Variants in HERC1 observed in about 807,000 individuals in gnomAD.
HERC1 encodes probable E3 ubiquitin-protein ligase HERC1.
HERC1 carries 160 observed loss-of-function variants against 554.3 expected under a neutral mutation model. The observed-to-expected ratio is 0.29, with a 90% CI of 0.25 to 0.33. The LOEUF is 0.33. Among genes scored for constraint, HERC1 ranks in the 10% least tolerant of loss-of-function variants. The probability of loss-of-function intolerance (pLI) is 1.00; values close to 1 mark genes in which losing one functional copy is unlikely to be tolerated. For synonymous variants in HERC1, 2,175 were observed against 2,131.7 expected, an observed-to-expected ratio of 1.02 and a Z score of -0.56; for missense variants, 4,919 against 5,918.5, an observed-to-expected ratio of 0.83 and a Z score of 5.54.
chr15:63,774,675 T>C lies in HERC1; in HGVS notation c.930+19A>G. The C allele has an allele frequency of 6.5e-7, 1 of 1,535,754 alleles. No homozygotes were observed. Among genetic ancestry groups the C allele is most frequent in the Admixed American group, 2.2e-5 (1 of 46,252 alleles). ...CAAAAACTATTATGAACTTTAAAGTTGAGACTTATAGTACGTACCAAAGAA... is the reference window on the plus strand; with the variant it reads ...CAAAAACTATTATGAACTTTAAAGTCGAGACTTATAGTACGTACCAAAGAA... On this transcript the variant is annotated intron_variant, in intron 2 of 77. Transcript: ENST00000443617.
At position 63,613,163 on chromosome 15, in the gene HERC1, C is replaced by A. The variant is rs1043465344; in HGVS notation, c.14095-607G>T. 2.0e-5 allele frequency among the ~76,000 whole-genome samples: 3 copies of A among 152,114 alleles called. No homozygotes were observed. The East Asian group carries it at 5.8e-4, about 29-fold the overall frequency. ...ACTTGGGTTCTAACTCCCAGCTCTG[C>A]CAATTATTAACTCTCTTAATTTTTC... On this transcript the variant is annotated intron_variant, in intron 76 of 77. Coordinates refer to ENST00000443617, the MANE Select transcript of HERC1 (RefSeq NM_003922.4).
intron 40 of HERC1, 56 bp from the exon 41 acceptor site, chr15:63,666,528 A>G: frequency 8.8e-7 from 1 of 1,141,282 alleles, no homozygotes; most frequent in Non-Finnish European, 1.3e-6. Context: ...CCGTGAGTAA[A>G]AAGTGTCTTC....
intron 24 of HERC1, among the ~76,000 whole-genome samples, chr15:63,710,451 T>C (rs906329695): frequency 1.3e-5 from 2 of 152,222 alleles, no homozygotes; most frequent in African/African-American, 2.4e-5. Flanking sequence ...TAGACAGTTA[T>C]TTATAAATTT....
chr15:63,619,419 T>C (rs1452708793), intron 74 of HERC1, among the ~76,000 whole-genome samples: 1 of 152,204 alleles, frequency 6.6e-6, no homozygotes, highest in Non-Finnish European at 1.5e-5. Flanking sequence ...TGAGGATTTT[T>C]GCATCAATGT....
At position 63,775,240 on chromosome 15, in the gene HERC1, C is replaced by T. The variant is rs1287520193; in HGVS notation, c.384G>A (p.Lys128=). The T allele has an allele frequency of 6.2e-7, 1 of 1,614,052 alleles. No individual in the cohort carries two copies. Among genetic ancestry groups the T allele is most frequent in the African/African-American group, 1.3e-5 (1 of 75,062 alleles). The change falls in exon 2 of 78, where the codon AAG becomes AAA. Residue 128 remains lysine (K), a synonymous_variant. Coordinates refer to ENST00000443617, the MANE Select transcript of HERC1 (RefSeq NM_003922.4). The surrounding 1 kb of genome is among the most constrained non-coding windows in gnomAD (Gnocchi z 4.0). ...SNKYHDKGKV[K]QQQHSPESSS... ...TGCTCTCCGGAGAATGCTGCTGCTGCTTCACCTTGCCTTTGTCATGGTATT... is the reference window on the plus strand; with the variant it reads ...TGCTCTCCGGAGAATGCTGCTGCTGTTTCACCTTGCCTTTGTCATGGTATT...
Position 63,680,021 on chromosome 15 carries a change from G to C in HERC1, c.6549+56C>G. 8.2e-7 allele frequency: 1 copy of C among 1,216,252 alleles called. No individual in the cohort carries two copies. The highest frequency in any genetic ancestry group is 2.4e-5 in the East Asian group (1 of 41,988). 75.3% of individuals were successfully genotyped at this position (1,216,252 alleles called of 1,614,324 possible). ...CTTATTATATTTATAAACTCTATCT[G>C]ATGCTAAACAATAAAATAACAAATA... On this transcript the variant is annotated intron_variant, in intron 36 of 77. Coordinates refer to ENST00000443617, the MANE Select transcript of HERC1 (RefSeq NM_003922.4). This position sits in a 1 kb window ranked among gnomAD's most constrained non-coding sequence, Gnocchi z 5.8.
Position 63,718,083 on chromosome 15 carries a change from G to GACACACACACAC in HERC1, c.3978+479_3978+490dup, listed in dbSNP as rs34069674. Among the ~76,000 whole-genome samples, 36 of 75,658 alleles carry GACACACACACAC rather than the reference G, an allele frequency of 4.8e-4. No individual in the cohort carries two copies. The highest frequency in any genetic ancestry group is 7.0e-4 in the Non-Finnish European group (22 of 31,496). 49.6% of individuals were successfully genotyped at this position (75,658 alleles called of 152,430 possible). A position where few individuals can be genotyped will look rare whatever the true frequency, so the allele number is the denominator to read the frequency against. Reference sequence around the variant, plus strand: ...AGTATTTTTAAGGCAGCTATTATGTGACACACACACACACACACACACACA... The same window carrying GACACACACACAC: ...AGTATTTTTAAGGCAGCTATTATGTGACACACACACACACACACACACACACACACACACACA... On this transcript the variant is annotated intron_variant, in intron 21 of 77. Transcript: ENST00000443617. The surrounding 1 kb of genome is among the most constrained non-coding windows in gnomAD (Gnocchi z 4.2).
chr15:63,824,137 A>AT (rs147511471), intron 1 of HERC1, among the ~76,000 whole-genome samples: 5,045 of 152,254 alleles, frequency 0.033, 266 homozygotes, highest in African/African-American at 0.11. Flanking sequence ...GAGACAAGAG[A>AT]TAAGTGTTGA....
chr15:63,725,376 C>T lies in HERC1; in HGVS notation c.3484G>A (p.Val1162Met), dbSNP rs757981190. The change falls in exon 18 of 78, where the codon GTG becomes ATG. Residue 1162 changes from valine to methionine, a missense_variant. This residue lies in a region of HERC1 where 1,121 missense variants were observed against 1,244.0 expected (regional missense o/e 0.90). Coordinates refer to ENST00000443617, the MANE Select transcript of HERC1 (RefSeq NM_003922.4). ...GCAGTGTCCTGTTCCTCTGGAGACACAGGGGAGCCCTGAAGCATGCCACCA... is the reference window on the plus strand; with the variant it reads ...GCAGTGTCCTGTTCCTCTGGAGACATAGGGGAGCCCTGAAGCATGCCACCA... ...CLGGMLQGSP[V>M]SPEEQDTAYW... 5 of 1,613,970 alleles carry T rather than the reference C, an allele frequency of 3.1e-6. No homozygotes were observed. Among genetic ancestry groups the T allele is most frequent in the Non-Finnish European group, 8.5e-7 (1 of 1,179,878 alleles).
In HERC1 at chr15:63,800,983, G is replaced by A. The variant is rs1017301405; in HGVS notation, c.-26-25334C>T. 4.6e-5 allele frequency among the ~76,000 whole-genome samples: 7 copies of A among 152,110 alleles called. No homozygotes were observed. The East Asian group carries it at 1.2e-3, about 25-fold the overall frequency. Reference sequence around the variant, plus strand: ...ATAGAGTTAATCACCAATGGTCAACGATTTAATCAACCAAGCCTACGTAAT... The same window carrying A: ...ATAGAGTTAATCACCAATGGTCAACAATTTAATCAACCAAGCCTACGTAAT... On this transcript the variant is annotated intron_variant, in intron 1 of 77. Transcript: ENST00000443617.
intron 1 of HERC1, among the ~76,000 whole-genome samples, chr15:63,778,392 T>C (rs1474252280): frequency 3.9e-5 from 6 of 152,192 alleles, no homozygotes; most frequent in Non-Finnish European, 8.8e-5. Context: ...TTAAAGTACA[T>C]TTAATTTAAA....
chr15:63,664,324 T>C, intron 43 of HERC1, 146 bp downstream of exon 43: 1 of 659,794 alleles, frequency 1.5e-6, no homozygotes, highest in Non-Finnish European at 2.5e-6. Context: ...TGTAAATGCA[T>C]AGAAAATGAT....
At chr15:63,793,538 T>TA (rs1260852156) in intron 1 of HERC1, among the ~76,000 whole-genome samples, 1 of 152,148 alleles carries the variant, frequency 6.6e-6, no homozygotes, top group African/African-American at 2.4e-5. Context: ...AACTCATGAA[T>TA]AATTCACCCC....
intron 25 of HERC1, among the ~76,000 whole-genome samples, chr15:63,702,163 C>A (rs1474363084): frequency 2.0e-5 from 3 of 152,114 alleles, no homozygotes; most frequent in Non-Finnish European, 4.4e-5. Context: ...TGAAGCTCTT[C>A]TTTTTTCTGG....
chr15:63,634,891 AAGAC>A lies in HERC1; in HGVS notation c.12415-7_12415-4del, dbSNP rs1263912420. ...GAGTGCTTGAAGCCACAAGACATCT[AAGAC>A]AGAACCAAGGAGAAAGAAAATTTTT... On this transcript the variant is annotated splice_polypyrimidine_tract_variant and splice_region_variant and intron_variant, in intron 65 of 77. Transcript: ENST00000443617. 6.9e-6 allele frequency: 11 copies of A among 1,592,526 alleles called. No individual in the cohort carries two copies. Among genetic ancestry groups the A allele is most frequent in the Non-Finnish European group, 9.4e-6 (11 of 1,173,632 alleles).
At chr15:63,719,635 G>A (rs1032355554) in intron 19 of HERC1, among the ~76,000 whole-genome samples, 1 of 152,246 alleles carries the variant, frequency 6.6e-6, no homozygotes, top group Non-Finnish European at 1.5e-5. Flanking sequence ...AGTAATTCAA[G>A]TGAGAAATGA....
At chr15:63,793,268 C>T (rs1596270046) in intron 1 of HERC1, among the ~76,000 whole-genome samples, 1 of 152,170 alleles carries the variant, frequency 6.6e-6, no homozygotes, top group Non-Finnish European at 1.5e-5. Context: ...AGACACAGGT[C>T]GTAAAGACCA....
chr15:63,721,457 C>T (rs760821490), intron 19 of HERC1, among the ~76,000 whole-genome samples: 6 of 151,946 alleles, frequency 3.9e-5, no homozygotes, highest in South Asian at 4.2e-4. Context: ...ACTCGGAAGG[C>T]GGAGGTTGCA....
Position 63,624,241 on chromosome 15 carries a change from C to CA in HERC1, c.13361dup (p.Pro4455AlafsTer33). The stretch of plus-strand genomic sequence containing the variant: ...TTTTTCCTATGGAGCGCACCATTGG[C>CA]AGAGTGTAGACTCTTGGGGCTAACA... On this transcript the variant is annotated frameshift_variant, in exon 72 of 78. Coordinates refer to ENST00000443617, the MANE Select transcript of HERC1 (RefSeq NM_003922.4). LOFTEE classifies it high-confidence loss of function. 1 of 1,613,848 alleles carries CA rather than the reference C, an allele frequency of 6.2e-7. No individual in the cohort carries two copies. Among genetic ancestry groups the CA allele is most frequent in the Non-Finnish European group, 8.5e-7 (1 of 1,179,724 alleles).
Sources: gnomAD v4.1 joint callset for allele counts (sites outside exome capture counted in the v4.1 genomes callset) on GRCh38, gnomAD v4.1.1 for gene constraint, gnomAD v4.1.1 regional missense constraint, Gnocchi (gnomAD v3.1) non-coding constraint, MANE v1.5 for transcripts, NCBI Gene and HGNC (gene_info 2026-07-23, HGNC 2026-07-21) for gene names.